The following ZNF536 variants were observed in gnomAD, a reference collection of about 807,000 sequenced individuals.
ZNF536 encodes zinc finger protein 536.
In ZNF536, 13 loss-of-function variants were observed where a neutral mutation model predicts 84.5. The ratio of observed to expected loss-of-function variants is 0.15; its 90% CI spans 0.10 to 0.24. The LOEUF (loss-of-function observed/expected upper bound fraction) is 0.24, where lower values mean the gene tolerates loss of function less well. Ranked by LOEUF, ZNF536 falls within the 10% of genes least tolerant of loss-of-function variation. The pLI is 1.00. For missense variants in ZNF536, 1,536 were observed against 1,747.5 expected, an observed-to-expected ratio of 0.88 and a Z score of 2.16; for synonymous variants, 811 against 742.5, an observed-to-expected ratio of 1.09 and a Z score of -1.50.
At chr19:30,693,593 A>C (rs927570836) in intron 1 of ZNF536, among the ~76,000 whole-genome samples, 5 of 152,058 alleles carry the variant, frequency 3.3e-5, no homozygotes, top group African/African-American at 1.2e-4. Context: ...TCATAAAAAA[A>C]AAAGAAAGAC....
In ZNF536 at chr19:30,557,239, T is replaced by C. The variant is rs1223747545; in HGVS notation, c.*75T>C. 2 of 1,533,530 alleles carry C rather than the reference T, an allele frequency of 1.3e-6. No homozygotes were observed. The highest frequency in any genetic ancestry group is 9.0e-7 in the Non-Finnish European group (1 of 1,108,986). The allele number at this position is 1,533,530 out of a possible 1,614,324, so 95.0% of individuals were successfully genotyped here. A position where few individuals can be genotyped will look rare whatever the true frequency, so the allele number is the denominator to read the frequency against. ...GTCCTCGGTGGTTATCTGCAGCTTG[T>C]TAATCGTGTAAAGTCAAGAGAAGAA... is the stretch of plus-strand genomic sequence containing the variant. On this transcript the variant is annotated 3_prime_UTR_variant, in exon 5 of 5. Transcript: ENST00000355537.
intron 2 of ZNF536, among the ~76,000 whole-genome samples, chr19:30,457,570 C>T (rs189548741): frequency 6.6e-6 from 1 of 152,340 alleles, no homozygotes; most frequent in East Asian, 1.9e-4. Flanking sequence ...GGAGAGCACT[C>T]TGGGGGACGC....
At chr19:30,659,417 A>G (rs937400966) in intron 1 of ZNF536, among the ~76,000 whole-genome samples, 2 of 152,230 alleles carry the variant, frequency 1.3e-5, no homozygotes, top group East Asian at 3.9e-4. Flanking sequence ...CACCCCCATG[A>G]TCCAATCACT....
At chr19:30,237,978 G>A (rs1179123954) in intron 1 of ZNF536, among the ~76,000 whole-genome samples, 1 of 152,138 alleles carries the variant, frequency 6.6e-6, no homozygotes, top group Non-Finnish European at 1.5e-5. Flanking sequence ...CTCACCACTT[G>A]CAAGCTGTTT....
At chr19:30,651,479 T>C (rs916425834) in intron 1 of ZNF536, among the ~76,000 whole-genome samples, 3 of 152,236 alleles carry the variant, frequency 2.0e-5, no homozygotes, top group Non-Finnish European at 4.4e-5. Flanking sequence ...CAAAATATAA[T>C]GCTGTGATTT....
chr19:30,687,182 C>T (rs1330143705), intron 1 of ZNF536, among the ~76,000 whole-genome samples: 1 of 152,224 alleles, frequency 6.6e-6, no homozygotes, highest in East Asian at 1.9e-4. Context: ...CGGGGAACTT[C>T]CTTCCCTTCT....
At chr19:30,424,094 G>A (rs2051107174) in intron 1 of ZNF536, among the ~76,000 whole-genome samples, 1 of 152,222 alleles carries the variant, frequency 6.6e-6, no homozygotes, top group East Asian at 1.9e-4. Flanking sequence ...ATGCTGGCCA[G>A]GGGACACTTT....
chr19:30,322,148 C>T (rs1487343209), intron 2 of ZNF536, among the ~76,000 whole-genome samples: 3 of 152,152 alleles, frequency 2.0e-5, no homozygotes, highest in Non-Finnish European at 4.4e-5. Flanking sequence ...TCAGTCTTTT[C>T]CTCAGGCATC....
intron 1 of ZNF536, among the ~76,000 whole-genome samples, chr19:30,635,221 C>T (rs1208789215): frequency 1.3e-5 from 2 of 152,182 alleles, no homozygotes; most frequent in Non-Finnish European, 2.9e-5. Context: ...TCCCAAACAA[C>T]GCTAAGTAAA....
chr19:30,383,835 T>TTTCCTTCC lies in ZNF536; in HGVS notation c.-3+11309_-3+11316dup, dbSNP rs200232895. 2.2e-3 allele frequency among the ~76,000 whole-genome samples: 207 copies of TTTCCTTCC among 95,514 alleles called. 4 individuals carry two copies. Among genetic ancestry groups the TTTCCTTCC allele is most frequent in the African/African-American group, 8.9e-3 (182 of 20,412 alleles). The allele number at this position is 95,514 out of a possible 152,430, so 62.7% of individuals were successfully genotyped here. A position where few individuals can be genotyped will look rare whatever the true frequency, so the allele number is the denominator to read the frequency against. Reference sequence around the variant, plus strand: ...TTCTCTCTTTCTTTCTTTCTCCTTCTTTCCTTCCTTCCTTCCTTCCTTCCT... The same window carrying TTTCCTTCC: ...TTCTCTCTTTCTTTCTTTCTCCTTCTTTCCTTCCTTCCTTCCTTCCTTCCTTCCTTCCT... On this transcript the variant is annotated intron_variant, in intron 1 of 4. Coordinates refer to ENST00000355537, the MANE Select transcript of ZNF536 (RefSeq NM_014717.3).
intron 1 of ZNF536, among the ~76,000 whole-genome samples, chr19:30,637,624 C>T (rs1568625268): frequency 1.3e-5 from 2 of 152,184 alleles, no homozygotes. Flanking sequence ...TAAAGAGTAA[C>T]AAAAGCACAT....
At chr19:30,648,885 G>A (rs1009716993) in intron 1 of ZNF536, among the ~76,000 whole-genome samples, 10 of 152,208 alleles carry the variant, frequency 6.6e-5, no homozygotes, top group African/African-American at 1.9e-4. Context: ...GACCTAGTTC[G>A]AAATATCATC....
chr19:30,617,392 C>T (rs1039363977), intron 1 of ZNF536, among the ~76,000 whole-genome samples: 2 of 117,828 alleles, frequency 1.7e-5, no homozygotes, highest in Admixed American at 1.1e-4. Flanking sequence ...ACTCTGTCAC[C>T]CAGGCTGGAG....
At chr19:30,376,538 T>C (rs1014917547) in intron 1 of ZNF536, among the ~76,000 whole-genome samples, 2 of 152,196 alleles carry the variant, frequency 1.3e-5, no homozygotes, top group African/African-American at 4.8e-5. Context: ...TCCGTGGGTC[T>C]GGGCAGGGCA....
intron 1 of ZNF536, among the ~76,000 whole-genome samples, chr19:30,377,539 C>T (rs946498144): frequency 6.6e-6 from 1 of 151,890 alleles, no homozygotes; most frequent in African/African-American, 2.4e-5. Context: ...CAGAGTAGGG[C>T]GTTCAGGAAA....
chr19:30,615,056 C>T (rs1434641479), intron 1 of ZNF536, among the ~76,000 whole-genome samples: 2 of 140,446 alleles, frequency 1.4e-5, no homozygotes, highest in African/African-American at 5.4e-5. Context: ...ACGCCATTCT[C>T]CTGCCTCAGC....
In ZNF536 at chr19:30,410,615, C is replaced by T. The variant is rs568464418; in HGVS notation, c.-2-32946C>T. On this transcript the variant is annotated intron_variant, in intron 1 of 4. Coordinates refer to ENST00000355537, the MANE Select transcript of ZNF536 (RefSeq NM_014717.3). The stretch of plus-strand genomic sequence containing the variant: ...TCAGCCTCCCGCGTAGCTGGGACTA[C>T]AGGCGCCCGCCACCACGCCCGGCTA... Among the ~76,000 whole-genome samples, 61 of 152,164 alleles carry T rather than the reference C, an allele frequency of 4.0e-4. 1 individual carries two copies. The South Asian group carries it at 0.011, about 26-fold the overall frequency.
In ZNF536 at chr19:30,665,947, G is replaced by A. The variant is rs1223589714; in HGVS notation, c.170-44810G>A. Among the ~76,000 whole-genome samples, 4 of 152,296 alleles carry A rather than the reference G, an allele frequency of 2.6e-5. No individual in the cohort carries two copies. The East Asian group carries it at 7.8e-4, about 30-fold the overall frequency. ...GACAGGTGATTCCTGGTGTGTCTGG[G>A]ATTCCTGTGGTGGCCCCTTTTGGGA... On this transcript the variant is annotated intron_variant, in intron 1 of 1. Transcript: ENST00000592773.
chr19:30,256,059 T>C (rs1170892687), intron 1 of ZNF536, among the ~76,000 whole-genome samples: 1 of 152,230 alleles, frequency 6.6e-6, no homozygotes, highest in Non-Finnish European at 1.5e-5. Context: ...CTTCCAGACC[T>C]GTGTCTTTAG....
Sources: allele counts gnomAD v4.1 joint callset (sites outside exome capture counted in the v4.1 genomes callset), GRCh38; gene constraint gnomAD v4.1.1; transcripts MANE v1.5; gene names NCBI Gene and HGNC (gene_info 2026-07-23, HGNC 2026-07-21).